PARD3: variants seen among roughly 807,000 people sequenced by gnomAD.
The protein encoded by PARD3 is partitioning defective 3 homolog.
In PARD3, 75 loss-of-function variants were observed where a neutral mutation model predicts 155.4. The observed-to-expected ratio is 0.48, with a 90% CI of 0.40 to 0.58. The LOEUF is 0.58. PARD3 is among the 20% of genes least tolerant of loss of function. The probability of loss-of-function intolerance (pLI) is 0.00; values close to 1 mark genes in which losing one functional copy is unlikely to be tolerated. For synonymous variants in PARD3, 576 were observed against 610.5 expected, an observed-to-expected ratio of 0.94 and a Z score of 0.83; for missense variants, 1,642 against 1,721.7, an observed-to-expected ratio of 0.95 and a Z score of 0.82.
At chr10:34,424,372 A>AT in intron 5 of PARD3, among the ~76,000 whole-genome samples, 1 of 152,238 alleles carries the variant, frequency 6.6e-6, no homozygotes, top group Non-Finnish European at 1.5e-5. Flanking sequence ...AACAAGATGT[A>AT]TTCGAGTAAC....
chr10:34,532,157 T>A (rs1379751646), intron 2 of PARD3, among the ~76,000 whole-genome samples: 1 of 152,200 alleles, frequency 6.6e-6, no homozygotes, highest in Non-Finnish European at 1.5e-5. Context: ...AATTTTAACT[T>A]CTTGTAACAG....
intron 2 of PARD3, among the ~76,000 whole-genome samples, chr10:34,568,414 G>A (rs975746015): frequency 2.6e-5 from 4 of 152,002 alleles, no homozygotes; most frequent in Non-Finnish European, 5.9e-5. Flanking sequence ...AATCTTGCTC[G>A]TTTTGAAAGT....
At chr10:34,631,078 G>A (rs570021738) in intron 2 of PARD3, among the ~76,000 whole-genome samples, 19 of 152,180 alleles carry the variant, frequency 1.2e-4, no homozygotes, top group Middle Eastern at 3.4e-3. Context: ...GTCTCCCAAA[G>A]TGGTGGGATT....
At chr10:34,211,519 C>T (rs866666959) in intron 22 of PARD3, among the ~76,000 whole-genome samples, 6 of 152,320 alleles carry the variant, frequency 3.9e-5, no homozygotes, top group East Asian at 1.9e-4. Flanking sequence ...TGATGTTTCA[C>T]GCCTGTCATC....
Position 34,541,656 on chromosome 10 carries a change from T to A in PARD3, c.223-24497A>T, listed in dbSNP as rs2083620055. 5.9e-5 allele frequency among the ~76,000 whole-genome samples: 9 copies of A among 152,304 alleles called. No individual in the cohort carries two copies. The South Asian group carries it at 1.9e-3, about 32-fold the overall frequency. On this transcript the variant is annotated intron_variant, in intron 2 of 24. Transcript: ENST00000374788. ...CCCTGGGAAGTGCTGGTGCCTAAAC[T>A]GCAGCTAATTTTTAAGTGTCCACAA...
chr10:34,371,471 G>A (rs568190598), intron 12 of PARD3, among the ~76,000 whole-genome samples: 3 of 88,384 alleles, frequency 3.4e-5, no homozygotes, highest in African/African-American at 1.1e-4. Context: ...ATGAAATATG[G>A]TGAGATTCTA....
At chr10:34,810,733 A>G (rs1844039029) in intron 1 of PARD3, among the ~76,000 whole-genome samples, 1 of 152,198 alleles carries the variant, frequency 6.6e-6, no homozygotes. Flanking sequence ...TGGATAAAAC[A>G]TATTGGTGAT....
chr10:34,241,657 C>A (rs1953605106), intron 22 of PARD3, among the ~76,000 whole-genome samples: 1 of 152,098 alleles, frequency 6.6e-6, no homozygotes, highest in Non-Finnish European at 1.5e-5. Flanking sequence ...TTCACAAGAA[C>A]CTGAAACGAA....
intron 20 of PARD3, among the ~76,000 whole-genome samples, chr10:34,286,111 A>G (rs1956376808): frequency 6.6e-6 from 1 of 152,362 alleles, no homozygotes; most frequent in Non-Finnish European, 1.5e-5. Flanking sequence ...CAATATATCA[A>G]TAATGCCTCA....
At chr10:34,119,891 G>A in intron 23 of PARD3, 151 bp from the exon 24 acceptor site, 1 of 699,004 alleles carries the variant, frequency 1.4e-6, no homozygotes, top group Non-Finnish European at 2.2e-6. Context: ...TGAGAAAAGT[G>A]GCATACATAT....
At chr10:34,677,237 T>G (rs2093725418) in intron 2 of PARD3, among the ~76,000 whole-genome samples, 1 of 151,954 alleles carries the variant, frequency 6.6e-6, no homozygotes, top group South Asian at 2.1e-4. Context: ...TCCCAGAACT[T>G]TGGGAGGCTG....
intron 5 of PARD3, 129 bp from the exon 6 acceptor site, chr10:34,402,046 T>C (rs1393830146): frequency 2.7e-6 from 2 of 744,158 alleles, no homozygotes; most frequent in Non-Finnish European, 4.8e-6. Flanking sequence ...CTAAGAAGGA[T>C]GACCTTTAAT....
chr10:34,649,756 C>T (rs1382862745), intron 2 of PARD3, among the ~76,000 whole-genome samples: 1 of 152,196 alleles, frequency 6.6e-6, no homozygotes, highest in Admixed American at 6.5e-5. Context: ...AACTTTTTTA[C>T]TTTATATACT....
At chr10:34,558,000 C>A (rs1296030963) in intron 2 of PARD3, among the ~76,000 whole-genome samples, 3 of 151,234 alleles carry the variant, frequency 2.0e-5, no homozygotes, top group African/African-American at 7.3e-5. Flanking sequence ...TGTTACTATT[C>A]TCGTTATGAT....
intron 3 of PARD3, among the ~76,000 whole-genome samples, chr10:34,482,711 T>C (rs1304422434): frequency 1.3e-5 from 2 of 152,052 alleles, no homozygotes; most frequent in South Asian, 2.1e-4. Context: ...TTCAGAAACA[T>C]ACCTTAATGA....
intron 1 of PARD3, among the ~76,000 whole-genome samples, chr10:34,764,622 C>T (rs1029003894): frequency 6.6e-6 from 1 of 151,840 alleles, no homozygotes; most frequent in African/African-American, 2.4e-5. Flanking sequence ...ATTCTACTCT[C>T]TGTTTACTTT....
intron 22 of PARD3, among the ~76,000 whole-genome samples, chr10:34,134,859 T>C (rs1048039996): frequency 4.6e-5 from 7 of 152,222 alleles, no homozygotes; most frequent in African/African-American, 1.7e-4. Flanking sequence ...ACCATTACAA[T>C]TGCTCAGTTC....
intron 1 of PARD3, among the ~76,000 whole-genome samples, chr10:34,814,386 G>T (rs1295129550): frequency 6.6e-6 from 1 of 152,004 alleles, no homozygotes; most frequent in African/African-American, 2.4e-5. Context: ...AGAGGAGGCA[G>T]AAGGCTCGCA....
chr10:34,354,635 C>A (rs954826299), intron 14 of PARD3, among the ~76,000 whole-genome samples: 1 of 151,996 alleles, frequency 6.6e-6, no homozygotes, highest in Non-Finnish European at 1.5e-5. Flanking sequence ...TGAAAGACTG[C>A]GTTAAGTCTT....
Sources: gnomAD v4.1 joint callset for allele counts (sites outside exome capture counted in the v4.1 genomes callset) on GRCh38, gnomAD v4.1.1 for gene constraint, MANE v1.5 for transcripts, NCBI Gene and HGNC (gene_info 2026-07-23, HGNC 2026-07-21) for gene names.